The following ATF3 variants were observed in gnomAD, a reference collection of about 807,000 sequenced individuals.
ATF3 encodes the protein cyclic AMP-dependent transcription factor ATF-3.
A neutral mutation model predicts 18.4 loss-of-function variants in ATF3; 10 were observed. That is an observed-to-expected ratio of 0.54 (90% confidence interval 0.34 to 0.92). The LOEUF (loss-of-function observed/expected upper bound fraction) is 0.92, where lower values mean the gene tolerates loss of function less well. ATF3 is among the 40% of genes least tolerant of loss of function. The probability of loss-of-function intolerance (pLI) is 0.02; values close to 1 mark genes in which losing one functional copy is unlikely to be tolerated. For synonymous variants in ATF3, 78 were observed against 87.9 expected, an observed-to-expected ratio of 0.89 and a Z score of 0.63; for missense variants, 183 against 222.3, an observed-to-expected ratio of 0.82 and a Z score of 1.12.
upstream of ATF3, among the ~76,000 whole-genome samples, chr1:212,605,179 T>C (rs949046864): frequency 2.0e-5 from 3 of 152,236 alleles, no homozygotes; most frequent in Admixed American, 6.5e-5. Flanking sequence ...TTAGGTGCTA[T>C]TGTTAGTGCC....
intron 2 of ATF3, among the ~76,000 whole-genome samples, chr1:212,617,194 C>G (rs1480002319): frequency 6.6e-6 from 1 of 152,218 alleles, no homozygotes; most frequent in Non-Finnish European, 1.5e-5. Context: ...ACCAGGCAGC[C>G]TGCCCCACCC....
intron 1 of ATF3, 53 bp from the exon 2 acceptor site, chr1:212,614,965 G>T: frequency 6.2e-7 from 1 of 1,613,910 alleles, no homozygotes; most frequent in South Asian, 1.1e-5. Context: ...AGGGGGACTT[G>T]ATCCCATGCC....
chr1:212,609,234 C>G (rs921271559), intron 1 of ATF3, among the ~76,000 whole-genome samples: 5 of 152,242 alleles, frequency 3.3e-5, no homozygotes, highest in African/African-American at 1.2e-4. Context: ...TTCTCTCCGC[C>G]GACGGCGCTG....
At chr1:212,600,822 G>A (rs545859426) in intron 1 of ATF3, among the ~76,000 whole-genome samples, 6 of 152,184 alleles carry the variant, frequency 3.9e-5, no homozygotes, top group East Asian at 1.9e-4. Context: ...CTTCTGACAC[G>A]GTATCCAGCA....
At chr1:212,614,756 G>A (rs1655036819) in intron 1 of ATF3, among the ~76,000 whole-genome samples, 1 of 152,214 alleles carries the variant, frequency 6.6e-6, no homozygotes, top group South Asian at 2.1e-4. Flanking sequence ...CATAGATCTT[G>A]TGAATTCAGA....
At position 212,618,654 on chromosome 1, in the gene ATF3, C is replaced by G. The variant is rs991461341; in HGVS notation, c.348+420C>G. 5.0e-6 allele frequency: 2 copies of G among 403,178 alleles called. No individual in the cohort carries two copies. Among genetic ancestry groups the G allele is most frequent in the African/African-American group, 4.1e-5 (2 of 49,312 alleles). 25.0% of individuals were successfully genotyped at this position (403,178 alleles called of 1,614,324 possible). ...ACAAGTTATTTCCTTAATCCACAAG[C>G]AGTGGTTACACTTGCTTTGCATTCT... On this transcript the variant is annotated intron_variant, in intron 3 of 3. Coordinates refer to ENST00000341491, the MANE Select transcript of ATF3 (RefSeq NM_001674.4). The surrounding 1 kb of genome is among the most constrained non-coding windows in gnomAD (Gnocchi z 4.4).
At chr1:212,590,687 A>T (rs1348142065) in intron 1 of ATF3, among the ~76,000 whole-genome samples, 1 of 152,198 alleles carries the variant, frequency 6.6e-6, no homozygotes, top group African/African-American at 2.4e-5. Flanking sequence ...AAATGCGGAT[A>T]CTCATTTTGC....
rs139298862 is a variant in ATF3 at position 212,601,839 on chromosome 1, C to T, written c.-4-13179C>T. On this transcript the variant is annotated intron_variant, in intron 1 of 3. Transcript: ENST00000366981. ...TTTGGTGTCTCAGGTTTCCATATGA[C>T]TTGGTAGCTTCAAGGGTAAGGCGTG... Among the ~76,000 whole-genome samples, 1,468 of 152,164 alleles carry T rather than the reference C, an allele frequency of 9.6e-3. 20 individuals are homozygous for T. Among genetic ancestry groups the T allele is most frequent in the Non-Finnish European group, 0.013 (854 of 68,006 alleles).
intron 1 of ATF3, among the ~76,000 whole-genome samples, chr1:212,572,114 A>G (rs1664495468): frequency 6.6e-6 from 1 of 152,168 alleles, no homozygotes. Flanking sequence ...TGATATGTAC[A>G]TTTTTACACT....
At chr1:212,571,187 G>T (rs1664473284) in intron 1 of ATF3, among the ~76,000 whole-genome samples, 1 of 152,104 alleles carries the variant, frequency 6.6e-6, no homozygotes, top group Non-Finnish European at 1.5e-5. Context: ...GCTTATTGTA[G>T]TTTAAATTTG....
intron 1 of ATF3, among the ~76,000 whole-genome samples, chr1:212,594,683 G>C (rs765581469): frequency 6.6e-6 from 1 of 152,200 alleles, no homozygotes; most frequent in Middle Eastern, 3.2e-3. Flanking sequence ...AAACTGCCCA[G>C]ACTCTTTATT....
intron 1 of ATF3, among the ~76,000 whole-genome samples, chr1:212,566,170 A>G (rs1664378731): frequency 6.6e-6 from 1 of 152,128 alleles, no homozygotes; most frequent in Admixed American, 6.5e-5. Flanking sequence ...GCCAAGTAAA[A>G]GCTGTGTGAC....
chr1:212,616,193 T>C (rs1452390184), intron 2 of ATF3, among the ~76,000 whole-genome samples: 1 of 152,014 alleles, frequency 6.6e-6, no homozygotes, highest in Non-Finnish European at 1.5e-5. Flanking sequence ...CAGATTATTA[T>C]TGTATAGATG....
intron 1 of ATF3, among the ~76,000 whole-genome samples, chr1:212,595,492 C>A (rs1664974009): frequency 6.6e-6 from 1 of 152,224 alleles, no homozygotes; most frequent in African/African-American, 2.4e-5. Context: ...CTGGACCAAC[C>A]ACAGTGGTCC....
At chr1:212,573,772 G>A (rs1227383506) in intron 1 of ATF3, among the ~76,000 whole-genome samples, 2 of 151,290 alleles carry the variant, frequency 1.3e-5, no homozygotes, top group African/African-American at 4.9e-5. Flanking sequence ...GGCATATGTA[G>A]GTTTTATACT....
intron 1 of ATF3, among the ~76,000 whole-genome samples, chr1:212,595,445 G>A (rs1455752664): frequency 1.3e-5 from 2 of 152,210 alleles, no homozygotes; most frequent in African/African-American, 4.8e-5. Flanking sequence ...CGGTGCTCCC[G>A]CAGCTCAGTG....
chr1:212,596,002 A>C (rs1266762813), intron 1 of ATF3, among the ~76,000 whole-genome samples: 1 of 152,228 alleles, frequency 6.6e-6, no homozygotes, highest in Non-Finnish European at 1.5e-5. Context: ...GAGAGGCTTG[A>C]TGAGAAAATG....
intron 1 of ATF3, among the ~76,000 whole-genome samples, chr1:212,595,130 G>A (rs943568237): frequency 1.3e-5 from 2 of 152,132 alleles, no homozygotes; most frequent in Non-Finnish European, 2.9e-5. Context: ...CCACTCCCAA[G>A]GAGTTCATAA....
chr1:212,589,547 C>T (rs1273625625), intron 1 of ATF3, among the ~76,000 whole-genome samples: 4 of 151,590 alleles, frequency 2.6e-5, no homozygotes, highest in African/African-American at 9.7e-5. Context: ...GAGGTGAGTC[C>T]AAAGAGCACC....
Sources: gnomAD v4.1 joint callset for allele counts (sites outside exome capture counted in the v4.1 genomes callset) on GRCh38, gnomAD v4.1.1 for gene constraint, Gnocchi (gnomAD v3.1) non-coding constraint, MANE v1.5 for transcripts, NCBI Gene and HGNC (gene_info 2026-07-23, HGNC 2026-07-21) for gene names.